Variants in CADPS2 observed in about 807,000 individuals in gnomAD.
CADPS2 encodes the protein calcium dependent secretion activator 2.
Under a neutral mutation model 172.5 loss-of-function variants are expected in CADPS2, and 93 were observed. The ratio of observed to expected loss-of-function variants is 0.54; its 90% confidence interval spans 0.46 to 0.64. The LOEUF (loss-of-function observed/expected upper bound fraction) is 0.64, where lower values mean the gene tolerates loss of function less well. Among genes scored for constraint, CADPS2 ranks in the 30% least tolerant of loss-of-function variants. CADPS2 has a pLI of 0.00. For synonymous variants in CADPS2, 546 were observed against 555.2 expected (o/e 0.98, Z 0.23); for missense variants, 1,420 against 1,565.9 (o/e 0.91, Z 1.57).
chr7:122,788,348 C>T (rs931378339), intron 1 of CADPS2, among the ~76,000 whole-genome samples: 1 of 152,126 alleles, frequency 6.6e-6, no homozygotes, highest in Non-Finnish European at 1.5e-5. Context: ...GAAATGGCCT[C>T]GATTTATCAC....
chr7:122,495,172 C>T (rs2058636842), intron 9 of CADPS2, among the ~76,000 whole-genome samples: 1 of 152,004 alleles, frequency 6.6e-6, no homozygotes, highest in African/African-American at 2.4e-5. Flanking sequence ...CAATAATACA[C>T]TAACATGTAT....
intron 1 of CADPS2, among the ~76,000 whole-genome samples, chr7:122,812,281 T>C (rs1311773143): frequency 6.6e-6 from 1 of 152,014 alleles, no homozygotes; most frequent in Non-Finnish European, 1.5e-5. Context: ...TGGTTAGCTA[T>C]AATGTTGTAA....
chr7:122,509,809 C>T (rs1441717094), intron 9 of CADPS2, among the ~76,000 whole-genome samples: 1 of 152,026 alleles, frequency 6.6e-6, no homozygotes, highest in Non-Finnish European at 1.5e-5. Context: ...TAATACCTAC[C>T]TTCACGGGCT....
chr7:122,488,208 T>C (rs2058006255), intron 11 of CADPS2, among the ~76,000 whole-genome samples: 1 of 152,174 alleles, frequency 6.6e-6, no homozygotes, highest in Non-Finnish European at 1.5e-5. Context: ...GAGATTTGAC[T>C]TGAGTTAATG....
At chr7:122,883,004 T>C (rs1483751230) in intron 1 of CADPS2, among the ~76,000 whole-genome samples, 3 of 152,142 alleles carry the variant, frequency 2.0e-5, no homozygotes, top group South Asian at 4.1e-4. Context: ...AAACCATCAG[T>C]GGTCAATCAG....
rs190564073 is a variant in CADPS2 at position 122,572,017 on chromosome 7, A to G, written c.1335+9162T>C. On this transcript the variant is annotated intron_variant, in intron 7 of 29. Transcript: ENST00000449022. ...AGACAAAATTTATATTGGGGATTTAAGAATGCCAGCATTATATATCTACAT... is the reference window on the plus strand; with the variant it reads ...AGACAAAATTTATATTGGGGATTTAGGAATGCCAGCATTATATATCTACAT... Among the ~76,000 whole-genome samples, 1,139 of 152,296 alleles carry G rather than the reference A, an allele frequency of 7.5e-3. 6 individuals carry two copies. The highest frequency in any genetic ancestry group is 0.017 in the Middle Eastern group (5 of 294).
chr7:122,877,996 AT>A (rs1238459305), intron 1 of CADPS2, among the ~76,000 whole-genome samples: 1 of 137,828 alleles, frequency 7.3e-6, no homozygotes, highest in Non-Finnish European at 1.5e-5. Flanking sequence ...CTACTGCACT[AT>A]TTTTAAAAAG....
intron 28 of CADPS2, among the ~76,000 whole-genome samples, chr7:122,329,230 A>G (rs1001562693): frequency 6.6e-6 from 1 of 152,190 alleles, no homozygotes; most frequent in African/African-American, 2.4e-5. Context: ...TTAACAAACC[A>G]AAGCAATGAA....
At chr7:122,527,385 G>T (rs1177928549) in intron 8 of CADPS2, among the ~76,000 whole-genome samples, 1 of 146,392 alleles carries the variant, frequency 6.8e-6, no homozygotes, top group East Asian at 2.1e-4. Context: ...ATCTCAAAAT[G>T]CTACCAGATT....
intron 2 of CADPS2, among the ~76,000 whole-genome samples, chr7:122,692,007 C>T (rs1439669380): frequency 6.6e-6 from 1 of 152,172 alleles, no homozygotes; most frequent in Admixed American, 6.5e-5. Context: ...ATTGCCAAGT[C>T]CGCATATGGC....
At chr7:122,639,575 T>C (rs1342996622) in intron 3 of CADPS2, among the ~76,000 whole-genome samples, 1 of 152,168 alleles carries the variant, frequency 6.6e-6, no homozygotes, top group Non-Finnish European at 1.5e-5. Flanking sequence ...CATAGGTCCA[T>C]GAATAACCAC....
rs138084674 is a variant in CADPS2, at chr7:122,377,501, A to G, written c.3387+1867T>C. ...GTAATTGAATGATGCCGATTATGCA[A>G]ACTTCTCACAAAAGGCAACTTCCGC... On this transcript the variant is annotated intron_variant, in intron 25 of 29. Coordinates refer to ENST00000449022, the MANE Select transcript of CADPS2 (RefSeq NM_017954.11). 2.1e-3 allele frequency among the ~76,000 whole-genome samples: 325 copies of G among 152,266 alleles called. 6 individuals carry two copies. The highest frequency in any genetic ancestry group is 0.016 in the Admixed American group (243 of 15,288).
chr7:122,384,991 A>C (rs576586567), intron 24 of CADPS2, among the ~76,000 whole-genome samples: 1 of 152,236 alleles, frequency 6.6e-6, no homozygotes, highest in South Asian at 2.1e-4. Context: ...ATAAGAACAA[A>C]CGGATAAACC....
Position 122,581,229 on chromosome 7 carries a change from A to G in CADPS2, c.1285T>C (p.Phe429Leu), listed in dbSNP as rs201477505. The change falls in exon 7 of 30, where the codon TTC (phenylalanine) becomes CTC (leucine). Residue 429 changes from phenylalanine (F) to leucine (L), a missense_variant. Transcript: ENST00000449022. ...HPRPVVKVKLFTESTGVLALE... is the reference protein window; with the variant it reads ...HPRPVVKVKLLTESTGVLALE... ...GCCAGAACTCCAGTGCTTTCTGTGA[A>G]GAGTTTCACTTTGACCACAGGCCGA... is the stretch of plus-strand genomic sequence containing the variant. 1.2e-6 allele frequency: 2 copies of G among 1,613,296 alleles called. No individual in the cohort carries two copies. The highest frequency in any genetic ancestry group is 2.7e-5 in the African/African-American group (2 of 75,006).
chr7:122,385,111 T>TA lies in CADPS2; in HGVS notation c.3312+1914dup, dbSNP rs1378900165. On this transcript the variant is annotated intron_variant, in intron 24 of 29. Coordinates refer to ENST00000449022, the MANE Select transcript of CADPS2 (RefSeq NM_017954.11). The stretch of plus-strand genomic sequence containing the variant: ...CAATCAAAGGCTTACATCTGGTTAT[T>TA]AAAAAAACATGAGGAGGTAAATAGG... Among the ~76,000 whole-genome samples, 9 of 152,050 alleles carry TA rather than the reference T, an allele frequency of 5.9e-5. No homozygotes were observed. In the East Asian group the frequency reaches 1.8e-3, roughly 30 times the overall value.
chr7:122,594,962 A>G (rs965507381), intron 6 of CADPS2, among the ~76,000 whole-genome samples: 5 of 151,964 alleles, frequency 3.3e-5, no homozygotes, highest in Admixed American at 1.3e-4. Context: ...AATCCCCCAG[A>G]TGTCTAAATA....
chr7:122,827,328 G>A (rs1805196888), intron 1 of CADPS2, among the ~76,000 whole-genome samples: 1 of 152,182 alleles, frequency 6.6e-6, no homozygotes, highest in Admixed American at 6.5e-5. Flanking sequence ...AGCCCTAGAT[G>A]GTTTCAAAGA....
At chr7:122,793,434 A>C (rs549828952) in intron 1 of CADPS2, among the ~76,000 whole-genome samples, 1 of 152,194 alleles carries the variant, frequency 6.6e-6, no homozygotes, top group South Asian at 2.1e-4. Flanking sequence ...GTTTTGTCTG[A>C]AACTAGGATC....
intron 2 of CADPS2, among the ~76,000 whole-genome samples, chr7:122,706,930 T>G (rs1371508117): frequency 6.6e-6 from 1 of 151,272 alleles, no homozygotes; most frequent in Admixed American, 6.6e-5. Flanking sequence ...ATGAAATCCT[T>G]GGAAACCGGA....
Sources: allele counts gnomAD v4.1 joint callset (sites outside exome capture counted in the v4.1 genomes callset), GRCh38; gene constraint gnomAD v4.1.1; transcripts MANE v1.5; gene names NCBI Gene and HGNC (gene_info 2026-07-23, HGNC 2026-07-21).